The following KNL1 variants were observed in gnomAD, a reference collection of about 807,000 sequenced individuals.
KNL1 encodes kinetochore scaffold 1.
A neutral mutation model predicts 201.3 loss-of-function variants in KNL1; 66 were observed. The ratio of observed to expected loss-of-function variants is 0.33; its 90% CI spans 0.27 to 0.40. The LOEUF is 0.40. Ranked by LOEUF, KNL1 falls within the 10% of genes least tolerant of loss-of-function variation. KNL1 has a pLI of 1.00. For synonymous variants in KNL1, 895 were observed against 899.2 expected (o/e 1.00, Z 0.08); for missense variants, 2,815 against 2,690.5 (o/e 1.05, Z -1.02).
intron 13 of KNL1, among the ~76,000 whole-genome samples, chr15:40,637,245 T>C (rs1327115212): frequency 6.6e-6 from 1 of 151,608 alleles, no homozygotes; most frequent in African/African-American, 2.4e-5. Flanking sequence ...TTCCTTTTAA[T>C]GAAGAAACCA....
At chr15:40,629,143 C>A in intron 12 of KNL1, 130 bp from the exon 13 acceptor site, 1 of 526,468 alleles carries the variant, frequency 1.9e-6, no homozygotes. Flanking sequence ...TCATGTATAG[C>A]CTGCAGATAT....
rs1340648567 is a variant in KNL1 at position 40,663,730 on chromosome 15, C to T, written c.*1542C>T. Reference sequence around the variant, plus strand: ...TGTATGAAGTAGACAAAAAAATTTACTCAAACTTCATTCAAATCCTAATTG... The same window carrying T: ...TGTATGAAGTAGACAAAAAAATTTATTCAAACTTCATTCAAATCCTAATTG... On this transcript the variant is annotated 3_prime_UTR_variant, in exon 26 of 26. Transcript: ENST00000399668. 1 of 192,724 alleles carries T rather than the reference C, an allele frequency of 5.2e-6. No individual in the cohort carries two copies. The highest frequency in any genetic ancestry group is 6.1e-5 in the Admixed American group (1 of 16,366). 11.9% of individuals were successfully genotyped at this position (192,724 alleles called of 1,614,324 possible). A position where few individuals can be genotyped will look rare whatever the true frequency, so the allele number is the denominator to read the frequency against.
rs373125419 is a variant in KNL1, at chr15:40,625,349, C to G, written c.5085C>G (p.Gly1695=). ...AGCCGGTCTCTAGCAAAGATTCAGG[C>G]ATTGGATCTGTTGCAGGTAAACTGA... ...ETQPVSSKDS[G]IGSVAGKLNL... The change falls in exon 10 of 26, where the codon GGC becomes GGG. Residue 1695 remains glycine, a synonymous_variant. Transcript: ENST00000399668. The G allele has an allele frequency of 6.8e-6, 11 of 1,613,954 alleles. No homozygotes were observed. In the African/African-American group the frequency reaches 1.5e-4, roughly 22 times the overall value.
At chr15:40,603,945 G>C (rs1043283258) in intron 2 of KNL1, among the ~76,000 whole-genome samples, 2 of 152,220 alleles carry the variant, frequency 1.3e-5, no homozygotes, top group Admixed American at 1.3e-4. Context: ...GCAGGTAACT[G>C]CTGGGTTTTT....
chr15:40,658,682 A>G (rs534029340), intron 24 of KNL1, among the ~76,000 whole-genome samples: 8 of 151,624 alleles, frequency 5.3e-5, no homozygotes, highest in Non-Finnish European at 1.0e-4. Flanking sequence ...TGTAATCCCA[A>G]CACTTTGGGA....
chr15:40,660,392 C>T (rs62019918), intron 25 of KNL1, among the ~76,000 whole-genome samples: 58,868 of 151,710 alleles, frequency 0.39, 11,614 homozygotes, highest in Middle Eastern at 0.47. Context: ...GTCAGCCGGG[C>T]ACAGTTGCTC....
chr15:40,618,781 T>C (rs918743773), intron 8 of KNL1, among the ~76,000 whole-genome samples, 178 bp from the exon 9 acceptor site: 1 of 152,122 alleles, frequency 6.6e-6, no homozygotes, highest in Non-Finnish European at 1.5e-5. Context: ...CACAAAAATA[T>C]GTACAACAAT....
chr15:40,658,561 C>CAAAAAAAAAAAAAAAAAAAAAAA (rs35180053), intron 24 of KNL1, among the ~76,000 whole-genome samples: 1 of 74,170 alleles, frequency 1.3e-5, no homozygotes, highest in East Asian at 4.1e-4. Context: ...GAATCTGTCT[C>CAAAAAAAAAAAAAAAAAAAAAAA]AAAAAAAAAA....
chr15:40,611,157 A>G, intron 6 of KNL1, among the ~76,000 whole-genome samples: 1 of 149,918 alleles, frequency 6.7e-6, no homozygotes, highest in Non-Finnish European at 1.5e-5. Flanking sequence ...CGCCCAGGCT[A>G]GAGTGCAGTG....
chr15:40,617,209 A>G (rs1218263660), intron 8 of KNL1, among the ~76,000 whole-genome samples: 2 of 152,212 alleles, frequency 1.3e-5, no homozygotes, highest in Non-Finnish European at 2.9e-5. Flanking sequence ...TGGCCTCCAG[A>G]GTGCTTGGAT....
chr15:40,648,793 G>T (rs1025276950), intron 17 of KNL1, among the ~76,000 whole-genome samples: 5 of 145,798 alleles, frequency 3.4e-5, no homozygotes, highest in Non-Finnish European at 4.5e-5. Flanking sequence ...AAAAACTTCT[G>T]TCTTTCCATT....
rs746527840 is a variant in KNL1, at chr15:40,660,531, C to T, written c.6836+1070C>T. Among the ~76,000 whole-genome samples, 8 of 151,484 alleles carry T rather than the reference C, an allele frequency of 5.3e-5. No homozygotes were observed. The South Asian group carries it at 1.0e-3, about 20-fold the overall frequency. ...AATACAAAAAATTAGCCAGGCGTGGCGGTGGGCGCCTGTAATCCCAGCTAC... is the reference window on the plus strand; with the variant it reads ...AATACAAAAAATTAGCCAGGCGTGGTGGTGGGCGCCTGTAATCCCAGCTAC... On this transcript the variant is annotated intron_variant, in intron 25 of 25. Coordinates refer to ENST00000399668, the MANE Select transcript of KNL1 (RefSeq NM_144508.5).
At chr15:40,651,425 C>A (rs762271803) in intron 19 of KNL1, 46 bp from the exon 20 acceptor site, 4 of 1,321,330 alleles carry the variant, frequency 3.0e-6, no homozygotes, top group Non-Finnish European at 4.2e-6. Context: ...AGAGTGAATT[C>A]TCTAACAAAA....
chr15:40,659,093 A>T (rs1317768350), intron 24 of KNL1, among the ~76,000 whole-genome samples: 1 of 151,936 alleles, frequency 6.6e-6, no homozygotes, highest in Non-Finnish European at 1.5e-5. Context: ...TTGAGGCCAC[A>T]TTGGCGAAAC....
intron 1 of KNL1, among the ~76,000 whole-genome samples, chr15:40,596,267 T>TTTTA (rs1012837034): frequency 6.6e-6 from 1 of 152,164 alleles, no homozygotes; most frequent in Non-Finnish European, 1.5e-5. Flanking sequence ...ATATTTTAAA[T>TTTTA]TTTATTTATT....
At chr15:40,657,506 CAG>C (rs933342711) in intron 24 of KNL1, 33 bp downstream of exon 24, 1 of 1,096,554 alleles carries the variant, frequency 9.1e-7, no homozygotes, top group African/African-American at 1.5e-5. Context: ...ACTGCCATGA[CAG>C]AGTACTACAA....
chr15:40,640,586 A>T (rs569613100), intron 13 of KNL1, among the ~76,000 whole-genome samples: 127 of 147,686 alleles, frequency 8.6e-4, no homozygotes, highest in Middle Eastern at 3.5e-3. Flanking sequence ...AAACTGGCTT[A>T]AAAAAAAAAA....
At chr15:40,650,126 A>G (rs544389689) in intron 17 of KNL1, 175 bp from the exon 18 acceptor site, 1,344 of 131,538 alleles carry the variant, frequency 0.01, 1 homozygote, top group Middle Eastern at 0.02. Context: ...TCTTTCACAG[A>G]AAAAAAAAAA....
chr15:40,645,840 T>C (rs904682995), intron 16 of KNL1, 68 bp downstream of exon 16: 16 of 813,374 alleles, frequency 2.0e-5, no homozygotes, highest in African/African-American at 7.1e-5. Flanking sequence ...GGTTATAGAA[T>C]ATGAAGAATC....
Sources: allele counts gnomAD v4.1 joint callset (sites outside exome capture counted in the v4.1 genomes callset), GRCh38; gene constraint gnomAD v4.1.1; transcripts MANE v1.5; gene names NCBI Gene and HGNC (gene_info 2026-07-23, HGNC 2026-07-21).